Variants in TRPM6 observed in about 807,000 individuals in gnomAD.
TRPM6 encodes channel kinase 2.
In TRPM6, 111 loss-of-function variants were observed where a neutral mutation model predicts 247.6. The observed-to-expected ratio is 0.45, with a 90% CI of 0.38 to 0.52. The LOEUF (loss-of-function observed/expected upper bound fraction) is 0.52. Ranked by LOEUF, TRPM6 falls within the 20% of genes least tolerant of loss-of-function variation. The pLI is 0.00. For synonymous variants in TRPM6, 892 were observed against 853.8 expected, an observed-to-expected ratio of 1.04 and a Z score of -0.78; for missense variants, 2,126 against 2,421.5, an observed-to-expected ratio of 0.88 and a Z score of 2.56.
At chr9:74,798,242 G>A (rs1263645197) in intron 17 of TRPM6, among the ~76,000 whole-genome samples, 1 of 150,688 alleles carries the variant, frequency 6.6e-6, no homozygotes, top group Non-Finnish European at 1.5e-5. Flanking sequence ...ATGGTAAACC[G>A]AAGTCATATC....
rs368180396 is a variant in TRPM6 at position 74,781,498 on chromosome 9, C to T, written c.3209+864G>A. ...TTGCAGTGAGCTGGGGTCACACCAA[C>T]TGCACTCCAGCCTGGGTAACAGAGC... On this transcript the variant is annotated intron_variant, in intron 23 of 38. Transcript: ENST00000360774. 2.6e-3 allele frequency among the ~76,000 whole-genome samples: 329 copies of T among 129,012 alleles called. 3 individuals are homozygous for T. Among genetic ancestry groups the T allele is most frequent in the South Asian group, 0.011 (41 of 3,840 alleles). 84.6% of individuals were successfully genotyped at this position (129,012 alleles called of 152,430 possible). A position where few individuals can be genotyped will look rare whatever the true frequency, so the allele number is the denominator to read the frequency against.
chr9:74,739,621 T>G, intron 34 of TRPM6, 102 bp downstream of exon 34: 1 of 1,554,756 alleles, frequency 6.4e-7, no homozygotes, highest in Non-Finnish European at 8.8e-7. Context: ...AATAATAGGC[T>G]CCCCTTTGGG....
intron 18 of TRPM6, among the ~76,000 whole-genome samples, 171 bp downstream of exon 18, chr9:74,796,570 T>C (rs866869346): frequency 6.6e-6 from 1 of 152,224 alleles, no homozygotes; most frequent in Non-Finnish European, 1.5e-5. Context: ...GCTTGATTGG[T>C]CAGAGGCATT....
chr9:74,727,805 G>C (rs1825382536), intron 38 of TRPM6, among the ~76,000 whole-genome samples: 1 of 152,136 alleles, frequency 6.6e-6, no homozygotes, highest in Admixed American at 6.5e-5. Flanking sequence ...CTTTAATTGA[G>C]GGTGTCATTT....
intron 12 of TRPM6, 134 bp downstream of exon 12, chr9:74,812,165 G>A (rs1587533179): frequency 1.7e-6 from 2 of 1,154,280 alleles, no homozygotes; most frequent in East Asian, 4.8e-5. Flanking sequence ...ACTAGATCCA[G>A]CTTCAGATAA....
rs1587532185 is a variant in TRPM6 at position 74,810,946 on chromosome 9, C to A, written c.1444-78G>T. 1.1e-5 allele frequency: 12 copies of A among 1,128,798 alleles called. No homozygotes were observed. In the East Asian group the frequency reaches 2.6e-4, roughly 25 times the overall value. The allele number at this position is 1,128,798 out of a possible 1,614,324, so 69.9% of individuals were successfully genotyped here. On this transcript the variant is annotated intron_variant, in intron 12 of 38. Coordinates refer to ENST00000360774, the MANE Select transcript of TRPM6 (RefSeq NM_017662.5). ...GGGGTAAAACCTTTACTTCAGAATGCATAAGTAACTGAGAATACTGAAAAT... is the reference window on the plus strand; with the variant it reads ...GGGGTAAAACCTTTACTTCAGAATGAATAAGTAACTGAGAATACTGAAAAT...
At chr9:74,757,906 C>G (rs184345558) in intron 27 of TRPM6, among the ~76,000 whole-genome samples, 3 of 151,978 alleles carry the variant, frequency 2.0e-5, no homozygotes, top group African/African-American at 7.3e-5. Context: ...GAGCAATACT[C>G]CATCTCAAAA....
At chr9:74,725,666 T>C (rs765246280) in intron 38 of TRPM6, among the ~76,000 whole-genome samples, 7 of 152,126 alleles carry the variant, frequency 4.6e-5, no homozygotes, top group Non-Finnish European at 4.4e-5. Flanking sequence ...AGCTCTCTCT[T>C]TGCCTGCTGC....
intron 27 of TRPM6, among the ~76,000 whole-genome samples, chr9:74,758,953 A>G (rs1826529643): frequency 6.6e-6 from 1 of 152,166 alleles, no homozygotes; most frequent in Non-Finnish European, 1.5e-5. Flanking sequence ...GACCAGTATT[A>G]AAAAATTTCT....
intron 33 of TRPM6, 29 bp downstream of exon 33, chr9:74,742,532 A>G (rs916398257): frequency 1.2e-6 from 2 of 1,605,240 alleles, no homozygotes; most frequent in Non-Finnish European, 1.7e-6. Flanking sequence ...GTCCTGGCAT[A>G]AACTCAAGAA....
Position 74,786,938 on chromosome 9 carries a change from C to T in TRPM6, c.2668-813G>A, listed in dbSNP as rs550217055. On this transcript the variant is annotated intron_variant, in intron 20 of 38. Coordinates refer to ENST00000360774, the MANE Select transcript of TRPM6 (RefSeq NM_017662.5). Reference sequence around the variant, plus strand: ...ATTGGGCCGGGTGCAGTGGCTCACGCCTGTAATCCCAACACTTTGGGAGGC... The same window carrying T: ...ATTGGGCCGGGTGCAGTGGCTCACGTCTGTAATCCCAACACTTTGGGAGGC... Among the ~76,000 whole-genome samples the T allele has an allele frequency of 7.9e-5, 12 of 152,262 alleles. No homozygotes were observed. The East Asian group carries it at 1.7e-3, about 22-fold the overall frequency.
At chr9:74,751,697 T>C (rs1170831531) in intron 29 of TRPM6, among the ~76,000 whole-genome samples, 1 of 152,216 alleles carries the variant, frequency 6.6e-6, no homozygotes, top group Non-Finnish European at 1.5e-5. Context: ...AATCTCAGCA[T>C]TGAAGAAACA....
intron 34 of TRPM6, 126 bp downstream of exon 34, chr9:74,739,597 T>C: frequency 3.9e-6 from 6 of 1,519,680 alleles, no homozygotes; most frequent in Non-Finnish European, 4.5e-6. Context: ...TACAAAGCAA[T>C]ACTACCTCTA....
Position 74,724,344 on chromosome 9 carries a change from A to T in TRPM6, c.*269T>A. 2.0e-6 allele frequency: 1 copy of T among 505,204 alleles called. No individual in the cohort carries two copies. Among genetic ancestry groups the T allele is most frequent in the Non-Finnish European group, 3.6e-6 (1 of 278,734 alleles). 31.3% of individuals were successfully genotyped at this position (505,204 alleles called of 1,614,324 possible). ...AAGTGACCAGCTAAAGCAATGAGGTACACAAGAACAATATTCCCAGCTGAC... is the reference window on the plus strand; with the variant it reads ...AAGTGACCAGCTAAAGCAATGAGGTTCACAAGAACAATATTCCCAGCTGAC... On this transcript the variant is annotated 3_prime_UTR_variant, in exon 39 of 39. Coordinates refer to ENST00000360774, the MANE Select transcript of TRPM6 (RefSeq NM_017662.5).
intron 9 of TRPM6, among the ~76,000 whole-genome samples, chr9:74,817,413 T>G (rs1394587623): frequency 6.6e-6 from 1 of 152,208 alleles, no homozygotes. Context: ...TGGTCTTGAA[T>G]TTCCTGGGCT....
At chr9:74,726,082 C>T (rs1377195429) in intron 38 of TRPM6, among the ~76,000 whole-genome samples, 1 of 152,194 alleles carries the variant, frequency 6.6e-6, no homozygotes, top group Non-Finnish European at 1.5e-5. Context: ...TCCTATTTTC[C>T]AGACAAAACT....
chr9:74,825,762 A>G (rs1829309776), intron 7 of TRPM6, among the ~76,000 whole-genome samples: 1 of 151,994 alleles, frequency 6.6e-6, no homozygotes, highest in African/African-American at 2.4e-5. Flanking sequence ...GCTGCACAGA[A>G]CCCCACGCAA....
At position 74,739,349 on chromosome 9, in the gene TRPM6, G is replaced by A. The variant is rs759976284; in HGVS notation, c.5570+18C>T. On this transcript the variant is annotated intron_variant, in intron 35 of 38. Coordinates refer to ENST00000360774, the MANE Select transcript of TRPM6 (RefSeq NM_017662.5). The stretch of plus-strand genomic sequence containing the variant: ...TTCCTACTTGAAACAAAGGGCCAAG[G>A]TGCCAAGATTTTCTTACCTTGGTGT... 2.5e-6 allele frequency: 4 copies of A among 1,610,244 alleles called. No individual in the cohort carries two copies. In the African/African-American group the frequency reaches 5.3e-5, roughly 22 times the overall value.
intron 23 of TRPM6, among the ~76,000 whole-genome samples, chr9:74,781,106 C>G (rs1827425994): frequency 6.6e-6 from 1 of 151,918 alleles, no homozygotes; most frequent in African/African-American, 2.4e-5. Flanking sequence ...TCAGGATATA[C>G]AGGAAACTGA....
Sources: allele counts gnomAD v4.1 joint callset (sites outside exome capture counted in the v4.1 genomes callset), GRCh38; gene constraint gnomAD v4.1.1; transcripts MANE v1.5; gene names NCBI Gene and HGNC (gene_info 2026-07-23, HGNC 2026-07-21).